Variants in PHF19 observed in about 807,000 individuals in gnomAD.
PHF19 encodes polycomb like 3.
PHF19 carries 21 observed loss-of-function variants against 79.8 expected under a neutral mutation model. The ratio of observed to expected loss-of-function variants is 0.26; its 90% CI spans 0.19 to 0.38. The LOEUF is 0.38. Among genes scored for constraint, PHF19 ranks in the 10% least tolerant of loss-of-function variants. The pLI is 1.00. For missense variants in PHF19, 445 were observed against 744.2 expected (o/e 0.60, Z 4.68); for synonymous variants, 273 against 296.3 (o/e 0.92, Z 0.81).
upstream of PHF19, chr9:120,877,424 G>C: frequency 1.1e-6 from 1 of 911,906 alleles, no homozygotes; most frequent in Non-Finnish European, 1.3e-6. Flanking sequence ...GCTCCGCAGC[G>C]CCGCCAGCCC....
intron 3 of PHF19, among the ~76,000 whole-genome samples, chr9:120,871,240 T>G (rs1197017615): frequency 6.6e-6 from 1 of 152,206 alleles, no homozygotes; most frequent in Non-Finnish European, 1.5e-5. Context: ...TCATCACTTA[T>G]GAACTCATGG....
At chr9:120,892,136 T>C (rs1471247189) in intron 1 of PHF19, among the ~76,000 whole-genome samples, 1 of 152,228 alleles carries the variant, frequency 6.6e-6, no homozygotes, top group Non-Finnish European at 1.5e-5. Flanking sequence ...TGTTTAAAGC[T>C]GACAACTAAT....
chr9:120,870,041 T>C lies in PHF19; in HGVS notation c.365-96A>G. ...GCAGGGCTGGGAGGGCTGAGGGAAG[T>C]CCTAGGAGCTCTGCCTGCCAGCTGC... On this transcript the variant is annotated intron_variant, in intron 4 of 14. Coordinates refer to ENST00000373896, the MANE Select transcript of PHF19 (RefSeq NM_015651.3). The surrounding 1 kb of genome is among the most constrained non-coding windows in gnomAD (Gnocchi z 4.4). 6.7e-7 allele frequency: 1 copy of C among 1,485,134 alleles called. No individual in the cohort carries two copies. Among genetic ancestry groups the C allele is most frequent in the Non-Finnish European group, 9.0e-7 (1 of 1,114,170 alleles). The allele number at this position is 1,485,134 out of a possible 1,614,324, so 92.0% of individuals were successfully genotyped here. A position where few individuals can be genotyped will look rare whatever the true frequency, so the allele number is the denominator to read the frequency against.
chr9:120,889,818 A>G (rs1237418155), intron 1 of PHF19, among the ~76,000 whole-genome samples: 1 of 152,072 alleles, frequency 6.6e-6, no homozygotes, highest in Admixed American at 6.6e-5. Context: ...AAAGAGAAAG[A>G]AAAAAGAGAA....
At chr9:120,864,151 A>C in intron 9 of PHF19, 35 bp from the exon 10 acceptor site, 1 of 1,597,582 alleles carries the variant, frequency 6.3e-7, no homozygotes, top group Non-Finnish European at 8.6e-7. Context: ...CATCAGACCC[A>C]GGCATATGGC....
At chr9:120,899,882 C>T (rs2046425889), upstream of PHF19, among the ~76,000 whole-genome samples, 1 of 152,238 alleles carries the variant, frequency 6.6e-6, no homozygotes, top group Non-Finnish European at 1.5e-5. Flanking sequence ...ACTGCCCTTC[C>T]ATGCCTCAGT....
chr9:120,877,366 AT>A, upstream of PHF19: 1 of 979,772 alleles, frequency 1.0e-6, no homozygotes, highest in South Asian at 4.7e-5. Context: ...CGCTTATGTA[AT>A]TAGCGGGGGC....
chr9:120,884,171 C>G (rs1404490550), intron 1 of PHF19, among the ~76,000 whole-genome samples: 7 of 152,196 alleles, frequency 4.6e-5, no homozygotes, highest in African/African-American at 1.7e-4. Flanking sequence ...GGTCTACATA[C>G]TACATTCAAT....
At chr9:120,897,176 G>A (rs973619071), upstream of PHF19, among the ~76,000 whole-genome samples, 2 of 152,262 alleles carry the variant, frequency 1.3e-5, no homozygotes, top group African/African-American at 4.8e-5. Flanking sequence ...CCTCACAATC[G>A]AGTTCTCCTG....
At chr9:120,881,901 C>T (rs541733927), upstream of PHF19, among the ~76,000 whole-genome samples, 1 of 152,284 alleles carries the variant, frequency 6.6e-6, no homozygotes, top group South Asian at 2.1e-4. Context: ...AGCCGGGGTT[C>T]CAGGTGCACG....
chr9:120,881,639 G>A (rs1352130327), upstream of PHF19, among the ~76,000 whole-genome samples: 1 of 152,138 alleles, frequency 6.6e-6, no homozygotes, highest in Non-Finnish European at 1.5e-5. Context: ...AAGGTGGGAG[G>A]GGCAGGAAGC....
intron 1 of PHF19, among the ~76,000 whole-genome samples, chr9:120,890,722 CT>C (rs1297917208): frequency 1.4e-4 from 21 of 152,280 alleles, no homozygotes; most frequent in African/African-American, 5.1e-4. Flanking sequence ...AGAATGTCAG[CT>C]CTCCAAATCC....
chr9:120,859,231 C>CT (rs59695692), intron 14 of PHF19, among the ~76,000 whole-genome samples: 46,086 of 105,012 alleles, frequency 0.44, 12,963 homozygotes, highest in South Asian at 0.7. Flanking sequence ...TACCATTGTC[C>CT]TTTTTTTTTT....
chr9:120,872,192 C>T (rs2045924344), intron 3 of PHF19, among the ~76,000 whole-genome samples: 1 of 152,140 alleles, frequency 6.6e-6, no homozygotes, highest in Non-Finnish European at 1.5e-5. Context: ...CTTGAACATG[C>T]TCCCAGGAAG....
At position 120,874,168 on chromosome 9, in the gene PHF19, C is replaced by A; in HGVS notation, c.187-108G>T. 1.5e-6 allele frequency: 1 copy of A among 679,174 alleles called. No individual in the cohort carries two copies. The highest frequency in any genetic ancestry group is 2.7e-6 in the Non-Finnish European group (1 of 374,280). 42.1% of individuals were successfully genotyped at this position (679,174 alleles called of 1,614,324 possible). A position where few individuals can be genotyped will look rare whatever the true frequency, so the allele number is the denominator to read the frequency against. On this transcript the variant is annotated intron_variant, in intron 2 of 14. Transcript: ENST00000373896. This position sits in a 1 kb window ranked among gnomAD's most constrained non-coding sequence, Gnocchi z 4.5. ...TCTCCGTATGTTCCAGAAAGCAGGG[C>A]TAGAAGGGGAAGAAGGATGGCAGTT...
Position 120,857,911 on chromosome 9 carries a change from G to C in PHF19, c.*33C>G, listed in dbSNP as rs765936854. ...TATGGCTTCTGCTGCTCCTCCTTTG[G>C]TTTTCAGGACCCCTGGCACCCCCGG... On this transcript the variant is annotated 3_prime_UTR_variant, in exon 15 of 15. Transcript: ENST00000373896. The C allele has an allele frequency of 2.9e-6, 4 of 1,375,124 alleles. No individual in the cohort carries two copies. The highest frequency in any genetic ancestry group is 4.0e-6 in the Non-Finnish European group (4 of 999,464). 85.2% of individuals were successfully genotyped at this position (1,375,124 alleles called of 1,614,324 possible).
At chr9:120,894,697 C>T in intron 1 of PHF19, 1 of 500,306 alleles carries the variant, frequency 2.0e-6, no homozygotes, top group Non-Finnish European at 3.0e-6. Flanking sequence ...TCAATGCGTT[C>T]CATATGGCGG....
intron 3 of PHF19, among the ~76,000 whole-genome samples, chr9:120,872,691 T>C (rs938704973): frequency 2.7e-5 from 4 of 146,082 alleles, no homozygotes; most frequent in African/African-American, 1.0e-4. Context: ...TTTCTTTTCT[T>C]TTTTTTTTTT....
intron 1 of PHF19, among the ~76,000 whole-genome samples, chr9:120,875,291 C>T (rs2046015071): frequency 6.6e-6 from 1 of 152,046 alleles, no homozygotes; most frequent in African/African-American, 2.4e-5. Flanking sequence ...TTTGTAATCC[C>T]CCCTTCTGTT....
Sources: gnomAD v4.1 joint callset for allele counts (sites outside exome capture counted in the v4.1 genomes callset) on GRCh38, gnomAD v4.1.1 for gene constraint, Gnocchi (gnomAD v3.1) non-coding constraint, MANE v1.5 for transcripts, NCBI Gene and HGNC (gene_info 2026-07-23, HGNC 2026-07-21) for gene names.